The following ATRNL1 variants were observed in gnomAD, a reference collection of about 807,000 sequenced individuals.
ATRNL1 encodes the protein attractin like 1, also known as attractin-like protein 1.
In ATRNL1, 95 loss-of-function variants were observed where a neutral mutation model predicts 182.7. The observed-to-expected ratio is 0.52, with a 90% CI of 0.44 to 0.62. ATRNL1 has a LOEUF of 0.62. ATRNL1 is among the 20% of genes least tolerant of loss of function. The pLI is 0.00. For synonymous variants in ATRNL1, 576 were observed against 568.3 expected (o/e 1.01, Z -0.19); for missense variants, 1,471 against 1,679.5 (o/e 0.88, Z 2.17).
Position 115,717,548 on chromosome 10 carries a change from C to CTTTTTTTTTTTTTTTTTTT in ATRNL1, c.3796-9697_3796-9679dup, listed in dbSNP as rs61386440. ...TGATTTTCCCGCTGCCTGAAATGTT[C>CTTTTTTTTTTTTTTTTTTT]TTTTTTTTTTTTTTTTTTTTTGAGA... is the stretch of plus-strand genomic sequence containing the variant. On this transcript the variant is annotated intron_variant, in intron 26 of 28. Transcript: ENST00000355044. Among the ~76,000 whole-genome samples the CTTTTTTTTTTTTTTTTTTT allele has an allele frequency of 8.3e-5, 7 of 84,360 alleles. 1 individual carries two copies. The highest frequency in any genetic ancestry group is 4.2e-4 in the East Asian group (1 of 2,386). The allele number at this position is 84,360 out of a possible 152,430, so 55.3% of individuals were successfully genotyped here.
intron 1 of ATRNL1, among the ~76,000 whole-genome samples, chr10:115,099,225 G>A (rs556350283): frequency 6.6e-6 from 1 of 152,248 alleles, no homozygotes; most frequent in African/African-American, 2.4e-5. Flanking sequence ...CTTTCACACA[G>A]CGTGTTTATT....
intron 26 of ATRNL1, among the ~76,000 whole-genome samples, chr10:115,717,127 AATT>A (rs1555056519): frequency 6.6e-6 from 1 of 152,148 alleles, no homozygotes; most frequent in East Asian, 1.9e-4. Flanking sequence ...TTACATACAA[AATT>A]GACCTTTTGA....
At chr10:115,523,034 G>A (rs1851027339) in intron 25 of ATRNL1, among the ~76,000 whole-genome samples, 1 of 152,132 alleles carries the variant, frequency 6.6e-6, no homozygotes, top group Non-Finnish European at 1.5e-5. Context: ...TGCCTCACTA[G>A]CATCTGTCTG....
intron 21 of ATRNL1, among the ~76,000 whole-genome samples, chr10:115,447,263 G>A (rs1012450862): frequency 5.9e-5 from 9 of 151,624 alleles, no homozygotes; most frequent in South Asian, 4.1e-4. Context: ...AAAGCTTAAC[G>A]CCTTGCTCTA....
chr10:115,517,748 A>AT lies in ATRNL1; in HGVS notation c.3655-1510dup, dbSNP rs201002889. Among the ~76,000 whole-genome samples the AT allele has an allele frequency of 9.1e-3, 1,377 of 151,782 alleles. 16 individuals are homozygous for AT. The highest frequency in any genetic ancestry group is 0.031 in the African/African-American group (1,301 of 41,480). On this transcript the variant is annotated intron_variant, in intron 24 of 28. Transcript: ENST00000355044. ...ATTTCAAAATATTATCATTTTGAAGATTTTTCCTGTTCTTAATTATTGTTT... is the reference window on the plus strand; with the variant it reads ...ATTTCAAAATATTATCATTTTGAAGATTTTTTCCTGTTCTTAATTATTGTTT...
intron 1 of ATRNL1, among the ~76,000 whole-genome samples, chr10:115,104,214 T>A (rs1417614149): frequency 6.6e-6 from 1 of 152,212 alleles, no homozygotes; most frequent in Non-Finnish European, 1.5e-5. Flanking sequence ...TGTTTCTGTC[T>A]GCCTTTTGGA....
intron 8 of ATRNL1, among the ~76,000 whole-genome samples, chr10:115,188,280 G>A (rs143727901): frequency 0.015 from 2,220 of 152,200 alleles, 56 homozygotes; most frequent in Admixed American, 0.056. Flanking sequence ...TGGTTATGTG[G>A]AATATATGTT....
chr10:115,443,462 G>A (rs1258965124), intron 21 of ATRNL1, among the ~76,000 whole-genome samples: 2 of 147,130 alleles, frequency 1.4e-5, no homozygotes, highest in Non-Finnish European at 3.0e-5. Context: ...TTTATTTTTG[G>A]TGTTATTATT....
chr10:115,870,000 T>C (rs1406038367), intron 28 of ATRNL1, among the ~76,000 whole-genome samples: 1 of 123,744 alleles, frequency 8.1e-6, no homozygotes, highest in Non-Finnish European at 1.6e-5. Flanking sequence ...TTTGGTGTTA[T>C]AAATAACGCC....
chr10:115,917,294 G>A (rs554823073), intron 28 of ATRNL1, among the ~76,000 whole-genome samples: 4 of 152,014 alleles, frequency 2.6e-5, no homozygotes, highest in East Asian at 3.9e-4. Context: ...GTGAAACCCC[G>A]TCTCTGTGTT....
At chr10:115,499,959 G>T (rs1226464197) in intron 24 of ATRNL1, among the ~76,000 whole-genome samples, 1 of 152,136 alleles carries the variant, frequency 6.6e-6, no homozygotes. Flanking sequence ...GGTTTTGTCT[G>T]ATCTTTTATG....
chr10:115,818,723 A>C (rs533984938), intron 27 of ATRNL1, among the ~76,000 whole-genome samples: 1 of 152,250 alleles, frequency 6.6e-6, no homozygotes, highest in Non-Finnish European at 1.5e-5. Flanking sequence ...CCTAATTGGC[A>C]AATCCAGAAG....
chr10:115,413,157 T>A (rs1415733957), intron 20 of ATRNL1, among the ~76,000 whole-genome samples: 1 of 152,136 alleles, frequency 6.6e-6, no homozygotes, highest in African/African-American at 2.4e-5. Flanking sequence ...ATAAGTAATA[T>A]TTTATACATT....
At chr10:115,518,523 A>G (rs763742061) in intron 24 of ATRNL1, among the ~76,000 whole-genome samples, 3 of 151,914 alleles carry the variant, frequency 2.0e-5, no homozygotes, top group East Asian at 1.9e-4. Context: ...TTAAATTTCT[A>G]TTCAGTTAGA....
chr10:115,491,776 C>G (rs1232922317), intron 24 of ATRNL1, among the ~76,000 whole-genome samples: 1 of 152,138 alleles, frequency 6.6e-6, no homozygotes, highest in Non-Finnish European at 1.5e-5. Context: ...GGCTGGCGTT[C>G]CAGGTGCCAC....
At chr10:115,940,140 G>C (rs1423845719) in intron 28 of ATRNL1, among the ~76,000 whole-genome samples, 1 of 152,078 alleles carries the variant, frequency 6.6e-6, no homozygotes, top group African/African-American at 2.4e-5. Context: ...TCTTTATAGT[G>C]AAAAAAGGGA....
chr10:115,341,912 G>A (rs1855770222), intron 19 of ATRNL1, among the ~76,000 whole-genome samples: 1 of 151,590 alleles, frequency 6.6e-6, no homozygotes, highest in Non-Finnish European at 1.5e-5. Context: ...GTCTTTATTT[G>A]TAAAATATGT....
intron 26 of ATRNL1, among the ~76,000 whole-genome samples, chr10:115,571,964 A>G (rs1459829624): frequency 6.6e-6 from 1 of 152,070 alleles, no homozygotes; most frequent in East Asian, 1.9e-4. Flanking sequence ...ATATACACAC[A>G]TAGAAAAAGC....
chr10:115,584,029 T>A (rs1373009539), intron 26 of ATRNL1, among the ~76,000 whole-genome samples: 2 of 152,168 alleles, frequency 1.3e-5, no homozygotes, highest in Non-Finnish European at 2.9e-5. Context: ...TTGTCTTTGG[T>A]TCTGTTTATA....
Sources: gnomAD v4.1 joint callset for allele counts (sites outside exome capture counted in the v4.1 genomes callset) on GRCh38, gnomAD v4.1.1 for gene constraint, MANE v1.5 for transcripts, NCBI Gene and HGNC (gene_info 2026-07-23, HGNC 2026-07-21) for gene names.